Variants in IFT140 observed in about 807,000 individuals in gnomAD.
The protein encoded by IFT140 is intraflagellar transport 140.
In IFT140, 133 loss-of-function variants were observed where a neutral mutation model predicts 164.6. That is an observed-to-expected ratio of 0.81 (90% confidence interval 0.70 to 0.93). The LOEUF is 0.93. IFT140 is among the 40% of genes least tolerant of loss of function. The pLI is 0.00. For missense variants in IFT140, 2,045 were observed against 1,972.3 expected (o/e 1.04, Z -0.70); for synonymous variants, 860 against 817.3 (o/e 1.05, Z -0.89).
At chr16:1,529,206 T>A (rs1013018959) in intron 19 of IFT140, among the ~76,000 whole-genome samples, 2 of 152,276 alleles carry the variant, frequency 1.3e-5, no homozygotes, top group South Asian at 2.1e-4. Context: ...GGCAGGTGCA[T>A]GTGTCTTAGC....
intron 19 of IFT140, chr16:1,534,608 C>T (rs1884365230): frequency 6.3e-7 from 1 of 1,594,090 alleles, no homozygotes; most frequent in Non-Finnish European, 8.5e-7. Context: ...CTCGAGGGCA[C>T]ATGGGAGATG....
intron 30 of IFT140, among the ~76,000 whole-genome samples, chr16:1,517,222 C>T (rs931761371): frequency 1.4e-4 from 22 of 152,074 alleles, no homozygotes; most frequent in Non-Finnish European, 2.9e-5. Flanking sequence ...TGCTGATGCA[C>T]ACCTGTAGTC....
chr16:1,588,479 T>C (rs1243395322), intron 7 of IFT140, among the ~76,000 whole-genome samples: 4 of 151,640 alleles, frequency 2.6e-5, no homozygotes, highest in Admixed American at 6.6e-5. Context: ...CAGCTGAGAT[T>C]GGGCCACTGC....
chr16:1,544,805 C>T (rs943193724), intron 19 of IFT140, among the ~76,000 whole-genome samples: 9 of 150,576 alleles, frequency 6.0e-5, no homozygotes, highest in East Asian at 2.0e-4. Flanking sequence ...CCCGCCACCA[C>T]GCCTGGCTAA....
chr16:1,542,087 G>T, intron 19 of IFT140: 3 of 1,589,706 alleles, frequency 1.9e-6, no homozygotes, highest in Non-Finnish European at 2.6e-6. Flanking sequence ...GTAAGTACCT[G>T]GGCGGGTGTG....
At chr16:1,558,251 C>A in intron 18 of IFT140, 117 bp from the exon 19 acceptor site, 2 of 992,780 alleles carry the variant, frequency 2.0e-6, no homozygotes, top group South Asian at 3.0e-5. Flanking sequence ...TGCAGACAGA[C>A]AGATATTTAC....
chr16:1,555,073 C>G (rs766845684), intron 19 of IFT140: 2 of 1,567,902 alleles, frequency 1.3e-6, no homozygotes, highest in Non-Finnish European at 1.7e-6. Flanking sequence ...TATCGTGGAA[C>G]AGCCTAGAAA....
At position 1,547,133 on chromosome 16, in the gene IFT140, A is replaced by T. The variant is rs950335806; in HGVS notation, c.2399+10802T>A. 2.0e-5 allele frequency among the ~76,000 whole-genome samples: 3 copies of T among 151,240 alleles called. No individual in the cohort carries two copies. The East Asian group carries it at 5.8e-4, about 29-fold the overall frequency. The stretch of plus-strand genomic sequence containing the variant: ...TTCCTTGAAACAGTCCCTCTTTCCC[A>T]CTCCCCATTACCTTGTAATTTGTAT... On this transcript the variant is annotated intron_variant, in intron 19 of 30. Transcript: ENST00000426508.
intron 19 of IFT140, among the ~76,000 whole-genome samples, chr16:1,544,184 ATT>A (rs1237730678): frequency 8.7e-5 from 10 of 115,098 alleles, no homozygotes; most frequent in Non-Finnish European, 9.1e-5. Context: ...CGCCCCACTA[ATT>A]TTTTTTTTTT....
At chr16:1,511,583 ATTTT>A (rs753875831) in intron 30 of IFT140, among the ~76,000 whole-genome samples, 2 of 145,340 alleles carry the variant, frequency 1.4e-5, no homozygotes, top group African/African-American at 2.5e-5. Flanking sequence ...TGGCTTGGGT[ATTTT>A]TTTTTTTTGA....
intron 30 of IFT140, among the ~76,000 whole-genome samples, chr16:1,516,647 G>A (rs1022173642): frequency 1.3e-5 from 2 of 151,814 alleles, no homozygotes; most frequent in African/African-American, 4.8e-5. Flanking sequence ...GCGGGCGCCT[G>A]TAGTCCCAGC....
intron 8 of IFT140, among the ~76,000 whole-genome samples, chr16:1,587,572 G>A (rs2075300720): frequency 6.6e-6 from 1 of 152,198 alleles, no homozygotes; most frequent in African/African-American, 2.4e-5. Flanking sequence ...CACAGAGCAC[G>A]AGATGGCCCC....
intron 30 of IFT140, among the ~76,000 whole-genome samples, chr16:1,517,437 G>C (rs1375787072): frequency 6.8e-6 from 1 of 148,080 alleles, no homozygotes; most frequent in Non-Finnish European, 1.5e-5. Flanking sequence ...GTGTGTAAAT[G>C]GATAATAAGC....
intron 6 of IFT140, among the ~76,000 whole-genome samples, chr16:1,590,023 C>T (rs1305464223): frequency 6.6e-6 from 1 of 151,958 alleles, no homozygotes; most frequent in Admixed American, 6.6e-5. Flanking sequence ...GTAGTGAAAT[C>T]CTGTCTATAC....
intron 13 of IFT140, among the ~76,000 whole-genome samples, chr16:1,574,570 C>T (rs2034181818): frequency 1.3e-5 from 2 of 152,210 alleles, no homozygotes; most frequent in Non-Finnish European, 2.9e-5. Context: ...CATGAGCCAC[C>T]ATGCCCAGCC....
intron 14 of IFT140, among the ~76,000 whole-genome samples, chr16:1,569,573 C>G (rs1316589014): frequency 2.0e-5 from 3 of 150,312 alleles, no homozygotes; most frequent in Non-Finnish European, 4.4e-5. Flanking sequence ...TCTCCCTCCC[C>G]TCCCCTTCCT....
intron 18 of IFT140, among the ~76,000 whole-genome samples, chr16:1,560,262 G>A (rs1426714334): frequency 6.6e-6 from 1 of 152,200 alleles, no homozygotes; most frequent in African/African-American, 2.4e-5. Context: ...AAGCCAGACT[G>A]CCTCCACCGC....
At chr16:1,513,837 C>T (rs1015358999) in intron 30 of IFT140, among the ~76,000 whole-genome samples, 5 of 148,330 alleles carry the variant, frequency 3.4e-5, no homozygotes, top group Admixed American at 6.6e-5. Flanking sequence ...CCACACCCGG[C>T]TAATTTTTTG....
intron 30 of IFT140, among the ~76,000 whole-genome samples, chr16:1,514,994 A>C (rs549399982): frequency 1.3e-5 from 2 of 152,330 alleles, no homozygotes; most frequent in South Asian, 4.1e-4. Flanking sequence ...GGAGAGGTTA[A>C]CAGCAGATTG....
Sources: allele counts gnomAD v4.1 joint callset (sites outside exome capture counted in the v4.1 genomes callset), GRCh38; gene constraint gnomAD v4.1.1; transcripts MANE v1.5; gene names NCBI Gene and HGNC (gene_info 2026-07-23, HGNC 2026-07-21).